Variants in RBFOX1 observed in about 807,000 individuals in gnomAD.
The protein encoded by RBFOX1 is RNA binding fox-1 homolog 1.
RBFOX1 carries 8 observed loss-of-function variants against 57.7 expected under a neutral mutation model. The observed-to-expected ratio is 0.14, with a 90% CI of 0.08 to 0.25. RBFOX1 has a LOEUF of 0.25. Among genes scored for constraint, RBFOX1 ranks in the 10% least tolerant of loss-of-function variants. The pLI, the probability that RBFOX1 is intolerant of heterozygous loss-of-function variation, is 1.00. For synonymous variants in RBFOX1, 326 were observed against 222.4 expected, an observed-to-expected ratio of 1.47 and a Z score of -4.15; for missense variants, 611 against 548.5, an observed-to-expected ratio of 1.11 and a Z score of -1.14.
chr16:7,465,886 A>AT (rs543712002), intron 4 of RBFOX1, among the ~76,000 whole-genome samples: 44 of 152,280 alleles, frequency 2.9e-4, no homozygotes, highest in African/African-American at 9.6e-4. Flanking sequence ...TCATACATAC[A>AT]TTTTTTTGCC....
chr16:6,190,392 G>T (rs1008948900), intron 1 of RBFOX1, among the ~76,000 whole-genome samples: 4 of 152,098 alleles, frequency 2.6e-5, no homozygotes, highest in African/African-American at 9.7e-5. Context: ...TGTAGCATCC[G>T]GGGTCCTACA....
At chr16:7,041,240 A>G (rs1272878931) in intron 3 of RBFOX1, among the ~76,000 whole-genome samples, 3 of 151,872 alleles carry the variant, frequency 2.0e-5, no homozygotes, top group African/African-American at 7.3e-5. Flanking sequence ...AACCCTGTAA[A>G]TAAAATTTTA....
chr16:6,440,398 A>G (rs910839904), intron 2 of RBFOX1, among the ~76,000 whole-genome samples: 1 of 152,186 alleles, frequency 6.6e-6, no homozygotes, highest in Non-Finnish European at 1.5e-5. Flanking sequence ...AACCAAGCTT[A>G]TAATTTGTCC....
intron 3 of RBFOX1, among the ~76,000 whole-genome samples, chr16:6,792,677 A>G (rs1481867887): frequency 6.6e-6 from 1 of 152,150 alleles, no homozygotes; most frequent in African/African-American, 2.4e-5. Context: ...TCTGGTTTTC[A>G]TGTCTGTTGT....
intron 4 of RBFOX1, among the ~76,000 whole-genome samples, chr16:7,342,515 T>A (rs1345624677): frequency 1.3e-5 from 2 of 152,208 alleles, no homozygotes; most frequent in African/African-American, 4.8e-5. Context: ...TTGTCTTGGT[T>A]TGTTCATGAT....
At chr16:6,083,777 C>G (rs1170208721) in intron 1 of RBFOX1, among the ~76,000 whole-genome samples, 1 of 152,038 alleles carries the variant, frequency 6.6e-6, no homozygotes, top group Non-Finnish European at 1.5e-5. Context: ...AGACCTGGCC[C>G]CCCTTCTTTG....
exon 1 of RBFOX1, chr16:5,240,068 A>G (rs1444426205): frequency 6.5e-7 from 1 of 1,531,708 alleles, no homozygotes. Context: ...CCGGGCAGGG[A>G]GGAGACCGGC....
chr16:6,878,162 A>T (rs1242277521), intron 3 of RBFOX1, among the ~76,000 whole-genome samples: 1 of 152,094 alleles, frequency 6.6e-6, no homozygotes. Context: ...CTACAATGTA[A>T]ATACTTCCAC....
intron 1 of RBFOX1, among the ~76,000 whole-genome samples, chr16:6,259,991 T>A (rs1307665865): frequency 2.6e-5 from 4 of 150,972 alleles, no homozygotes; most frequent in African/African-American, 9.7e-5. Flanking sequence ...TGAAAATAAG[T>A]CCATTCCCAC....
chr16:5,810,971 G>A (rs2151777416), intron 3 of RBFOX1, among the ~76,000 whole-genome samples: 2 of 152,124 alleles, frequency 1.3e-5, no homozygotes, highest in South Asian at 2.1e-4. Flanking sequence ...ACCACAGTCA[G>A]GATAATGAAA....
In RBFOX1 at chr16:5,769,960, G is replaced by C. The variant is rs140364437; in HGVS notation, c.319-97343G>C. 3.2e-3 allele frequency among the ~76,000 whole-genome samples: 493 copies of C among 152,316 alleles called. 2 individuals are homozygous for C. Among genetic ancestry groups the C allele is most frequent in the Non-Finnish European group, 5.3e-3 (360 of 68,032 alleles). On this transcript the variant is annotated intron_variant, in intron 3 of 19. Transcript: ENST00000641259. ...AAAATTAGGCTCTCAGTATAGGTATGTGCTAGAGACTTGTACTCCTCTGGC... is the reference window on the plus strand; with the variant it reads ...AAAATTAGGCTCTCAGTATAGGTATCTGCTAGAGACTTGTACTCCTCTGGC...
chr16:7,378,299 T>C (rs952244958), intron 4 of RBFOX1, among the ~76,000 whole-genome samples: 13 of 152,100 alleles, frequency 8.5e-5, no homozygotes, highest in African/African-American at 3.1e-4. Context: ...GGAAACGTAG[T>C]GGTGATGACG....
chr16:6,838,110 A>G (rs999442258), intron 3 of RBFOX1, among the ~76,000 whole-genome samples: 2 of 151,756 alleles, frequency 1.3e-5, no homozygotes, highest in African/African-American at 4.8e-5. Context: ...TGCTGCACCT[A>G]TCAACCTGTT....
chr16:6,893,324 A>T (rs779575719), intron 3 of RBFOX1, among the ~76,000 whole-genome samples: 20 of 152,186 alleles, frequency 1.3e-4, no homozygotes, highest in Non-Finnish European at 5.9e-5. Context: ...CTAGAGATCA[A>T]ACTCATATAG....
intron 4 of RBFOX1, among the ~76,000 whole-genome samples, chr16:7,211,984 A>G (rs61644745): frequency 0.12 from 18,652 of 152,002 alleles, 1,330 homozygotes; most frequent in African/African-American, 0.19. Context: ...TCTCACTCCC[A>G]TCAAGCCACC....
chr16:7,222,113 G>A (rs1026463109), intron 4 of RBFOX1, among the ~76,000 whole-genome samples: 1 of 152,154 alleles, frequency 6.6e-6, no homozygotes, highest in African/African-American at 2.4e-5. Flanking sequence ...AAAAGGCAGT[G>A]GTGAGGATTT....
chr16:6,431,898 T>C (rs2094103011), intron 2 of RBFOX1, among the ~76,000 whole-genome samples: 1 of 47,614 alleles, frequency 2.1e-5, no homozygotes, highest in Non-Finnish European at 5.0e-5. Flanking sequence ...GCTTGCTTGC[T>C]TTCTTTCTTT....
chr16:6,859,111 G>GTATA (rs796794349), intron 3 of RBFOX1, among the ~76,000 whole-genome samples: 3,027 of 64,548 alleles, frequency 0.047, 311 homozygotes, highest in African/African-American at 0.14. Flanking sequence ...TAAAAAAAGT[G>GTATA]TATATATATA....
intron 14 of RBFOX1, among the ~76,000 whole-genome samples, chr16:7,704,993 G>C (rs79858024): frequency 6.7e-6 from 1 of 149,788 alleles, no homozygotes. Context: ...AGAGTGAGCC[G>C]AGATCATGTC....
Sources: gnomAD v4.1 joint callset for allele counts (sites outside exome capture counted in the v4.1 genomes callset) on GRCh38, gnomAD v4.1.1 for gene constraint, MANE v1.5 for transcripts, NCBI Gene and HGNC (gene_info 2026-07-23, HGNC 2026-07-21) for gene names.